The following KHDRBS3 variants were observed in gnomAD, a reference collection of about 807,000 sequenced individuals.
KHDRBS3 encodes KH RNA binding domain containing, signal transduction associated 3.
KHDRBS3 carries 23 observed loss-of-function variants against 45.6 expected under a neutral mutation model. That is an observed-to-expected ratio of 0.50 (90% CI 0.36 to 0.72). The LOEUF is 0.72. Ranked by LOEUF, KHDRBS3 falls within the 30% of genes least tolerant of loss-of-function variation. The probability of loss-of-function intolerance (pLI) is 0.00; values close to 1 mark genes in which losing one functional copy is unlikely to be tolerated. For synonymous variants in KHDRBS3, 162 were observed against 156.5 expected (o/e 1.04, Z -0.26); for missense variants, 352 against 424.8 (o/e 0.83, Z 1.51).
chr8:135,631,441 A>G (rs530004733), intron 7 of KHDRBS3, among the ~76,000 whole-genome samples: 134 of 152,206 alleles, frequency 8.8e-4, no homozygotes, highest in Non-Finnish European at 1.5e-3. Context: ...TTCTGTTTTT[A>G]AACTAATGTT....
chr8:135,497,042 C>G (rs1823486174), intron 1 of KHDRBS3, among the ~76,000 whole-genome samples: 2 of 152,198 alleles, frequency 1.3e-5, no homozygotes, highest in Admixed American at 1.3e-4. Context: ...TTCAGTCAGT[C>G]AGTAAAGTGA....
chr8:135,651,303 A>T (rs977684721), downstream of KHDRBS3, among the ~76,000 whole-genome samples: 3 of 149,532 alleles, frequency 2.0e-5, no homozygotes, highest in Non-Finnish European at 3.0e-5. Flanking sequence ...ATATATATTT[A>T]TATATATATA....
At chr8:135,527,222 G>GGT (rs2130689419) in intron 2 of KHDRBS3, among the ~76,000 whole-genome samples, 1 of 152,000 alleles carries the variant, frequency 6.6e-6, no homozygotes, top group African/African-American at 2.4e-5. Flanking sequence ...AAAACTGCCA[G>GGT]TTTTTTTTGG....
chr8:135,602,137 A>G (rs1306902365), intron 6 of KHDRBS3, among the ~76,000 whole-genome samples: 1 of 152,138 alleles, frequency 6.6e-6, no homozygotes, highest in Non-Finnish European at 1.5e-5. Flanking sequence ...CAGTGACCTC[A>G]TCCCCTACCT....
chr8:135,579,556 C>T (rs895435314), intron 5 of KHDRBS3, among the ~76,000 whole-genome samples: 8 of 152,090 alleles, frequency 5.3e-5, no homozygotes, highest in Non-Finnish European at 1.2e-4. Flanking sequence ...ATGCTGGTTT[C>T]GAACTCCTGA....
intron 7 of KHDRBS3, among the ~76,000 whole-genome samples, chr8:135,612,144 G>C (rs1009383553): frequency 1.3e-5 from 2 of 151,720 alleles, no homozygotes; most frequent in Admixed American, 6.6e-5. Flanking sequence ...AAATCACCTC[G>C]GTGCCAAAAC....
intron 2 of KHDRBS3, chr8:135,541,758 A>G (rs1051917359): frequency 2.0e-5 from 3 of 152,228 alleles, no homozygotes; most frequent in Non-Finnish European, 4.4e-5. Context: ...TAATTATAGC[A>G]AGGCTTTTAA....
intron 5 of KHDRBS3, among the ~76,000 whole-genome samples, chr8:135,573,613 G>A (rs1357172428): frequency 3.3e-5 from 5 of 152,210 alleles, no homozygotes; most frequent in Non-Finnish European, 7.3e-5. Context: ...CTGCATTTGA[G>A]TATTAATGTG....
At chr8:135,583,071 C>T (rs994701938) in intron 6 of KHDRBS3, among the ~76,000 whole-genome samples, 1 of 152,180 alleles carries the variant, frequency 6.6e-6, no homozygotes, top group Admixed American at 6.6e-5. Context: ...ATTTGACTGT[C>T]TCCTTGTGTC....
At chr8:135,535,904 CAGG>C (rs1028742864) in intron 2 of KHDRBS3, among the ~76,000 whole-genome samples, 5 of 152,132 alleles carry the variant, frequency 3.3e-5, no homozygotes, top group Non-Finnish European at 7.3e-5. Flanking sequence ...GGCTTTGGTT[CAGG>C]AGAAGGACAT....
At chr8:135,613,784 A>C (rs11775078) in intron 7 of KHDRBS3, among the ~76,000 whole-genome samples, 59,896 of 151,210 alleles carry the variant, frequency 0.4, 13,073 homozygotes, top group South Asian at 0.53. Context: ...CCTACCTGAA[A>C]ACAAACTTGA....
At chr8:135,515,365 T>TAAAAAAAAAAAAAAAAAAAAAAAA (rs59502823) in intron 1 of KHDRBS3, among the ~76,000 whole-genome samples, 2 of 39,716 alleles carry the variant, frequency 5.0e-5, no homozygotes, top group Non-Finnish European at 9.6e-5. Flanking sequence ...GACTCCGTCT[T>TAAAAAAAAAAAAAAAAAAAAAAAA]AAAAAAAAAA....
intron 4 of KHDRBS3, among the ~76,000 whole-genome samples, chr8:135,551,879 G>A (rs553183753): frequency 2.0e-5 from 3 of 152,034 alleles, no homozygotes; most frequent in African/African-American, 7.2e-5. Context: ...GTTTTTCTGG[G>A]AATGTCTTTA....
At chr8:135,602,261 G>C (rs558065806) in intron 6 of KHDRBS3, among the ~76,000 whole-genome samples, 2 of 152,116 alleles carry the variant, frequency 1.3e-5, no homozygotes, top group Non-Finnish European at 2.9e-5. Context: ...ATTGCACCCT[G>C]CTTCATGCTT....
At chr8:135,592,009 A>G (rs193017764) in intron 6 of KHDRBS3, among the ~76,000 whole-genome samples, 39 of 152,328 alleles carry the variant, frequency 2.6e-4, no homozygotes, top group African/African-American at 7.5e-4. Context: ...GTGAATTGAA[A>G]AGCCTAGGGA....
At chr8:135,458,590 C>T (rs1159019639) in intron 1 of KHDRBS3, 1 of 321,046 alleles carries the variant, frequency 3.1e-6, no homozygotes, top group Non-Finnish European at 6.1e-6. Flanking sequence ...AGTCAGCCCT[C>T]CCAGGGGATG....
intron 1 of KHDRBS3, among the ~76,000 whole-genome samples, chr8:135,468,487 T>C (rs1410656758): frequency 1.3e-5 from 2 of 152,218 alleles, no homozygotes; most frequent in Non-Finnish European, 2.9e-5. Flanking sequence ...CAGCAAACTT[T>C]TTCTGTAAAG....
At chr8:135,463,362 T>A (rs1821528752) in intron 1 of KHDRBS3, among the ~76,000 whole-genome samples, 1 of 151,780 alleles carries the variant, frequency 6.6e-6, no homozygotes, top group Non-Finnish European at 1.5e-5. Flanking sequence ...GAATTGGAGG[T>A]GGGGATGAAG....
chr8:135,504,296 A>G (rs1353585468), intron 1 of KHDRBS3, among the ~76,000 whole-genome samples: 1 of 152,138 alleles, frequency 6.6e-6, no homozygotes, highest in Non-Finnish European at 1.5e-5. Context: ...GGGAGTGCCA[A>G]AGCAAAAACA....
Sources: gnomAD v4.1 joint callset for allele counts (sites outside exome capture counted in the v4.1 genomes callset) on GRCh38, gnomAD v4.1.1 for gene constraint, MANE v1.5 for transcripts, NCBI Gene and HGNC (gene_info 2026-07-23, HGNC 2026-07-21) for gene names.